PCDHA7: variants seen among roughly 807,000 people sequenced by gnomAD.
The protein encoded by PCDHA7 is protocadherin alpha 7, also known as protocadherin alpha-7.
In PCDHA7, 37 loss-of-function variants were observed where a neutral mutation model predicts 57.2. That is an observed-to-expected ratio of 0.65 (90% CI 0.50 to 0.85). PCDHA7 has a LOEUF of 0.85. PCDHA7 is among the 40% of genes least tolerant of loss of function. The probability of loss-of-function intolerance (pLI) is 0.00; values close to 1 mark genes in which losing one functional copy is unlikely to be tolerated. For missense variants in PCDHA7, 1,188 were observed against 1,241.8 expected (o/e 0.96, Z 0.65); for synonymous variants, 553 against 558.8 (o/e 0.99, Z 0.15).
At chr5:140,838,089 T>C (rs1418087315) in intron 1 of PCDHA7, among the ~76,000 whole-genome samples, 2 of 121,978 alleles carry the variant, frequency 1.6e-5, no homozygotes, top group East Asian at 4.2e-4. Flanking sequence ...TGTGTGTGTG[T>C]GTGTGTGTGT....
At chr5:140,876,315 C>T in intron 1 of PCDHA7, 1 of 1,613,958 alleles carries the variant, frequency 6.2e-7, no homozygotes, top group South Asian at 1.1e-5. Flanking sequence ...CCTATGGGAT[C>T]AAAATGATTT....
Position 140,851,725 on chromosome 5 carries a change from G to A in PCDHA7, c.2355+14987G>A. On this transcript the variant is annotated intron_variant, in intron 1 of 3. Coordinates refer to ENST00000525929, the MANE Select transcript of PCDHA7 (RefSeq NM_018910.3). The stretch of plus-strand genomic sequence containing the variant: ...GCCATGTGAAGATTCGAAACTTCGA[G>A]TTCTTTTGAAATTCAGAGTCTGTAA... 2.1e-6 allele frequency: 2 copies of A among 968,614 alleles called. 1 individual carries two copies. The highest frequency in any genetic ancestry group is 9.6e-5 in the South Asian group (2 of 20,926). The allele number at this position is 968,614 out of a possible 1,614,324, so 60.0% of individuals were successfully genotyped here.
chr5:140,992,400 T>C (rs1019164556), intron 3 of PCDHA7, among the ~76,000 whole-genome samples: 1 of 152,124 alleles, frequency 6.6e-6, no homozygotes, highest in Admixed American at 6.5e-5. Context: ...CTTAGAGATA[T>C]TGTTCTGCCC....
chr5:140,883,640 C>G (rs143631680), intron 1 of PCDHA7: 2 of 1,613,958 alleles, frequency 1.2e-6, no homozygotes, highest in Non-Finnish European at 1.7e-6. Context: ...GTTCGCGCAG[C>G]CCGAGTACAC....
At chr5:140,914,393 C>A (rs1338816793) in intron 1 of PCDHA7, among the ~76,000 whole-genome samples, 1 of 152,080 alleles carries the variant, frequency 6.6e-6, no homozygotes, top group Non-Finnish European at 1.5e-5. Context: ...AGTGTAGTTA[C>A]CCCTGCTCCT....
intron 1 of PCDHA7, among the ~76,000 whole-genome samples, chr5:140,898,035 T>G (rs1227571900): frequency 5.9e-5 from 9 of 152,120 alleles, no homozygotes; most frequent in African/African-American, 2.2e-4. Context: ...TTGATGGGGT[T>G]GTTTGTTTTT....
intron 1 of PCDHA7, chr5:140,927,638 G>A (rs781909639): frequency 1.2e-6 from 2 of 1,614,142 alleles, no homozygotes; most frequent in Admixed American, 1.7e-5. Context: ...GCACCCAATG[G>A]GACTGTGTTA....
intron 3 of PCDHA7, among the ~76,000 whole-genome samples, chr5:140,986,632 A>T (rs1262339478): frequency 6.6e-6 from 1 of 152,170 alleles, no homozygotes; most frequent in African/African-American, 2.4e-5. Flanking sequence ...AGGCAACAGT[A>T]CATTAGTTTT....
At chr5:141,008,126 G>A (rs2098361949) in intron 3 of PCDHA7, among the ~76,000 whole-genome samples, 1 of 152,178 alleles carries the variant, frequency 6.6e-6, no homozygotes, top group African/African-American at 2.4e-5. Context: ...TCAAGAAGGG[G>A]ATGACAAATG....
At chr5:140,987,292 T>G (rs2097246000) in intron 3 of PCDHA7, among the ~76,000 whole-genome samples, 1 of 152,134 alleles carries the variant, frequency 6.6e-6, no homozygotes, top group African/African-American at 2.4e-5. Context: ...TTAACAAGCC[T>G]TCTATGTGAT....
At chr5:140,858,846 T>C (rs2045621304) in intron 1 of PCDHA7, 1 of 295,454 alleles carries the variant, frequency 3.4e-6, no homozygotes, top group Non-Finnish European at 6.4e-6. Flanking sequence ...ATTCCACTGA[T>C]CTATATCTCT....
intron 1 of PCDHA7, among the ~76,000 whole-genome samples, chr5:140,942,747 A>C (rs1291200302): frequency 6.6e-6 from 1 of 152,232 alleles, no homozygotes; most frequent in African/African-American, 2.4e-5. Flanking sequence ...AAAATCTTGT[A>C]TAAATGAGAT....
Position 140,984,851 on chromosome 5 carries a change from A to G in PCDHA7, c.2503+2288A>G, listed in dbSNP as rs986424116. Among the ~76,000 whole-genome samples the G allele has an allele frequency of 2.6e-5, 4 of 152,200 alleles. No individual in the cohort carries two copies. In the South Asian group the frequency reaches 6.2e-4, roughly 24 times the overall value. ...TTTCTGTAAATTGGGTGTAGTAATA[A>G]TAATAACACCTATTTTATTGAGTTA... On this transcript the variant is annotated intron_variant, in intron 3 of 3. Coordinates refer to ENST00000525929, the MANE Select transcript of PCDHA7 (RefSeq NM_018910.3).
chr5:140,997,668 T>TTGTGTGTG lies in PCDHA7; in HGVS notation c.2504-11937_2504-11930dup, dbSNP rs35184029. 2.7e-3 allele frequency among the ~76,000 whole-genome samples: 400 copies of TTGTGTGTG among 148,342 alleles called. 5 individuals carry two copies. The East Asian group carries it at 0.038, about 14-fold the overall frequency. The stretch of plus-strand genomic sequence containing the variant: ...AATGCAATATGTATTATTATACAGC[T>TTGTGTGTG]TGTGTGTGTGTGTGTGTGTGTGTGT... On this transcript the variant is annotated intron_variant, in intron 3 of 3. Transcript: ENST00000525929.
At chr5:140,976,528 A>G (rs1238458657) in intron 1 of PCDHA7, among the ~76,000 whole-genome samples, 1 of 152,112 alleles carries the variant, frequency 6.6e-6, no homozygotes, top group East Asian at 1.9e-4. Flanking sequence ...ACCAGCCTAA[A>G]TGACAGAGTA....
chr5:140,996,403 G>A (rs2097725218), intron 3 of PCDHA7, among the ~76,000 whole-genome samples: 2 of 152,216 alleles, frequency 1.3e-5, no homozygotes, highest in South Asian at 4.1e-4. Context: ...AGTTTCAGGT[G>A]GGGCAGGCAG....
At chr5:140,992,020 TGTGTG>T (rs1460938904) in intron 3 of PCDHA7, among the ~76,000 whole-genome samples, 1 of 51,270 alleles carries the variant, frequency 2.0e-5, no homozygotes, top group African/African-American at 5.9e-5. Flanking sequence ...GGTGGCTCTG[TGTGTG>T]TGTGTGTGTG....
Position 140,850,727 on chromosome 5 carries a change from G to T in PCDHA7, c.2355+13989G>T, listed in dbSNP as rs2150496154. 1.7e-5 allele frequency: 27 copies of T among 1,597,890 alleles called. 4 individuals carry two copies. The highest frequency in any genetic ancestry group is 2.2e-5 in the South Asian group (2 of 90,514). ...AGCCGACGCTGGTGTGTTCTAGCGC[G>T]GTGGGGAGTTGGTCGTACTCGCAGC... is the stretch of plus-strand genomic sequence containing the variant. On this transcript the variant is annotated intron_variant, in intron 1 of 3. Transcript: ENST00000525929.
intron 1 of PCDHA7, chr5:140,966,970 G>A (rs1554228990): frequency 6.2e-7 from 1 of 1,602,870 alleles, no homozygotes; most frequent in Admixed American, 1.7e-5. Flanking sequence ...TGGGGCTTGA[G>A]CTGCGGCGCT....
Sources: allele counts gnomAD v4.1 joint callset (sites outside exome capture counted in the v4.1 genomes callset), GRCh38; gene constraint gnomAD v4.1.1; transcripts MANE v1.5; gene names NCBI Gene and HGNC (gene_info 2026-07-23, HGNC 2026-07-21).